RPP30: variants seen among roughly 807,000 people sequenced by gnomAD.
RPP30 encodes the protein ribonuclease P/MRP subunit p30, also known as ribonuclease P protein subunit p30.
A neutral mutation model predicts 38.6 loss-of-function variants in RPP30; 36 were observed. The ratio of observed to expected loss-of-function variants is 0.93; its 90% CI spans 0.71 to 1.23. The LOEUF (loss-of-function observed/expected upper bound fraction) is 1.23, where lower values mean the gene tolerates loss of function less well. Among genes scored for constraint, RPP30 ranks in the 50% most tolerant of loss-of-function variants. The pLI, the probability that RPP30 is intolerant of heterozygous loss-of-function variation, is 0.00. For synonymous variants in RPP30, 126 were observed against 112.7 expected, an observed-to-expected ratio of 1.12 and a Z score of -0.75; for missense variants, 321 against 321.7, an observed-to-expected ratio of 1.00 and a Z score of 0.02.
chr10:90,878,146 T>A lies in RPP30; in HGVS notation c.271-917T>A, dbSNP rs543729773. Among the ~76,000 whole-genome samples the A allele has an allele frequency of 1.4e-4, 21 of 152,196 alleles. 1 individual carries two copies. In the East Asian group the frequency reaches 4.1e-3, roughly 29 times the overall value. ...TCTTGGTGGTTCCTTTTTGTCTCCT[T>A]CACAAGTGGGAGTGGGCAGGTAAAG... On this transcript the variant is annotated intron_variant, in intron 4 of 10. Coordinates refer to ENST00000371703, the MANE Select transcript of RPP30 (RefSeq NM_006413.5).
chr10:90,885,304 G>C (rs963615334), intron 5 of RPP30, among the ~76,000 whole-genome samples: 1 of 152,166 alleles, frequency 6.6e-6, no homozygotes, highest in East Asian at 1.9e-4. Context: ...AATGTCATGA[G>C]GTGCTGTGTT....
At chr10:90,881,767 A>G (rs1846930639) in intron 5 of RPP30, among the ~76,000 whole-genome samples, 1 of 152,128 alleles carries the variant, frequency 6.6e-6, no homozygotes, top group South Asian at 2.1e-4. Context: ...GATTTTATTT[A>G]TTTTGTTTGT....
At position 90,901,426 on chromosome 10, in the gene RPP30, C is replaced by T; in HGVS notation, c.*747C>T. The T allele has an allele frequency of 1.0e-6, 1 of 984,980 alleles. No homozygotes were observed. Among genetic ancestry groups the T allele is most frequent in the Non-Finnish European group, 1.2e-6 (1 of 829,554 alleles). The allele number at this position is 984,980 out of a possible 1,614,324, so 61.0% of individuals were successfully genotyped here. A position where few individuals can be genotyped will look rare whatever the true frequency, so the allele number is the denominator to read the frequency against. The stretch of plus-strand genomic sequence containing the variant: ...AGCTTCTTTCATGTATTCAAATCAG[C>T]ATTTTTTTCTAAGAAATTGCTATAG... On this transcript the variant is annotated 3_prime_UTR_variant, in exon 11 of 11. Transcript: ENST00000371703.
At chr10:90,899,830 A>G (rs997122970) in intron 10 of RPP30, among the ~76,000 whole-genome samples, 1 of 152,158 alleles carries the variant, frequency 6.6e-6, no homozygotes. Context: ...TCTCGCATGC[A>G]TGTAGTATAG....
intron 6 of RPP30, among the ~76,000 whole-genome samples, chr10:90,893,675 C>G (rs1328245252): frequency 6.6e-6 from 1 of 152,160 alleles, no homozygotes; most frequent in Non-Finnish European, 1.5e-5. Context: ...CTTTTGCATG[C>G]TCTGACCTCC....
intron 8 of RPP30, 37 bp from the exon 9 acceptor site, chr10:90,895,843 A>G (rs1374604751): frequency 6.9e-7 from 1 of 1,458,752 alleles, no homozygotes; most frequent in Non-Finnish European, 9.4e-7. Flanking sequence ...GTTATAAATA[A>G]TTTTCTCATA....
At chr10:90,876,154 G>A in intron 4 of RPP30, 56 bp downstream of exon 4, 1 of 1,075,338 alleles carries the variant, frequency 9.3e-7, no homozygotes, top group South Asian at 1.3e-5. Flanking sequence ...ATTGATTAAT[G>A]TTGAACAATG....
At chr10:90,904,379 AT>A (rs1183722298), downstream of RPP30, among the ~76,000 whole-genome samples, 2 of 152,218 alleles carry the variant, frequency 1.3e-5, no homozygotes, top group African/African-American at 4.8e-5. Context: ...GCTAGTACTC[AT>A]TAGCTATGAC....
At chr10:90,903,916 A>G (rs1223753536), downstream of RPP30, among the ~76,000 whole-genome samples, 1 of 152,246 alleles carries the variant, frequency 6.6e-6, no homozygotes, top group African/African-American at 2.4e-5. Context: ...ACTAGAATAC[A>G]TGGAAAGAGA....
At chr10:90,874,137 T>C (rs935003444) in intron 1 of RPP30, among the ~76,000 whole-genome samples, 10 of 152,190 alleles carry the variant, frequency 6.6e-5, no homozygotes, top group Non-Finnish European at 1.2e-4. Flanking sequence ...TTGATATGTA[T>C]TTTAATGTTA....
At chr10:90,893,734 C>T (rs535409366) in intron 6 of RPP30, among the ~76,000 whole-genome samples, 72 of 152,306 alleles carry the variant, frequency 4.7e-4, no homozygotes, top group Non-Finnish European at 8.5e-4. Context: ...ATTTCTTCCT[C>T]AACCCTAAAC....
intron 6 of RPP30, among the ~76,000 whole-genome samples, chr10:90,892,918 A>G (rs1351452933): frequency 6.6e-6 from 1 of 152,196 alleles, no homozygotes; most frequent in Non-Finnish European, 1.5e-5. Context: ...TATATTATAC[A>G]CCTTTTATGT....
At position 90,891,281 on chromosome 10, in the gene RPP30, G is replaced by A. The variant is rs746807942; in HGVS notation, c.433-3494G>A. ...TTGGTAATCCTGGGCTTGCAGCTAC[G>A]TAACTCCAGTCTCTGCCTTTGTCTT... On this transcript the variant is annotated intron_variant, in intron 6 of 10. Coordinates refer to ENST00000371703, the MANE Select transcript of RPP30 (RefSeq NM_006413.5). Among the ~76,000 whole-genome samples the A allele has an allele frequency of 2.0e-3, 299 of 152,162 alleles. 6 individuals carry two copies. In the Middle Eastern group the frequency reaches 0.027, roughly 14 times the overall value.
At chr10:90,872,356 G>A (rs1846789695) in intron 1 of RPP30, among the ~76,000 whole-genome samples, 1 of 152,194 alleles carries the variant, frequency 6.6e-6, no homozygotes, top group African/African-American at 2.4e-5. Context: ...GACAGAAGCC[G>A]GAGCTGGACT....
In RPP30 at chr10:90,872,775, C is replaced by T. The variant is rs150556689; in HGVS notation, c.82+707C>T. ...GACAGTTTTCAGCTCATTGTGAGTT[C>T]TGATTACTGATACTGTTCAGAGGTG... On this transcript the variant is annotated intron_variant, in intron 1 of 10. Coordinates refer to ENST00000371703, the MANE Select transcript of RPP30 (RefSeq NM_006413.5). Among the ~76,000 whole-genome samples the T allele has an allele frequency of 2.7e-3, 407 of 152,300 alleles. 3 individuals are homozygous for T. Among genetic ancestry groups the T allele is most frequent in the African/African-American group, 9.4e-3 (391 of 41,564 alleles).
At chr10:90,875,995 T>C (rs1334980863) in intron 3 of RPP30, 29 bp from the exon 4 acceptor site, 2 of 1,260,784 alleles carry the variant, frequency 1.6e-6, no homozygotes, top group African/African-American at 3.0e-5. Flanking sequence ...TCTTTTGTGC[T>C]TTTTTGACAT....
chr10:90,885,534 A>G (rs1164252881), intron 5 of RPP30, among the ~76,000 whole-genome samples: 1 of 152,214 alleles, frequency 6.6e-6, no homozygotes, highest in African/African-American at 2.4e-5. Context: ...ACCCATCCTT[A>G]TGTAGAAGAC....
At chr10:90,899,416 G>A (rs1265393595) in intron 10 of RPP30, among the ~76,000 whole-genome samples, 1 of 152,118 alleles carries the variant, frequency 6.6e-6, no homozygotes, top group Admixed American at 6.5e-5. Flanking sequence ...CTTGAAATAA[G>A]GAATAATTCA....
intron 6 of RPP30, among the ~76,000 whole-genome samples, chr10:90,887,386 ATT>A (rs1267063795): frequency 2.1e-5 from 3 of 143,404 alleles, no homozygotes; most frequent in Admixed American, 7.0e-5. Context: ...TGTTGGGTAA[ATT>A]TTTTTTTTTT....
Sources: allele counts gnomAD v4.1 joint callset (sites outside exome capture counted in the v4.1 genomes callset), GRCh38; gene constraint gnomAD v4.1.1; transcripts MANE v1.5; gene names NCBI Gene and HGNC (gene_info 2026-07-23, HGNC 2026-07-21).